PCDHGA3: variants seen among roughly 807,000 people sequenced by gnomAD.
PCDHGA3 encodes protocadherin gamma subfamily A, 3.
A neutral mutation model predicts 58.5 loss-of-function variants in PCDHGA3; 40 were observed. The ratio of observed to expected loss-of-function variants is 0.68; its 90% CI spans 0.53 to 0.89. The LOEUF (loss-of-function observed/expected upper bound fraction) is 0.89. Among genes scored for constraint, PCDHGA3 ranks in the 40% least tolerant of loss-of-function variants. PCDHGA3 has a pLI of 0.00. For synonymous variants in PCDHGA3, 530 were observed against 525.7 expected, an observed-to-expected ratio of 1.01 and a Z score of -0.11; for missense variants, 1,223 against 1,195.9, an observed-to-expected ratio of 1.02 and a Z score of -0.33.
At chr5:141,385,585 C>G (rs1051281848) in intron 1 of PCDHGA3, 41 of 1,267,842 alleles carry the variant, frequency 3.2e-5, no homozygotes, top group Admixed American at 1.9e-4. Context: ...AATCTATGTT[C>G]CAACCTACTT....
chr5:141,492,487 C>T (rs1031047955), intron 1 of PCDHGA3, among the ~76,000 whole-genome samples: 1 of 152,222 alleles, frequency 6.6e-6, no homozygotes, highest in Non-Finnish European at 1.5e-5. Context: ...CGCCCAGGAC[C>T]AGGCGAGGAC....
Position 141,491,900 on chromosome 5 carries a change from G to T in PCDHGA3, c.2425-2907G>T. The T allele has an allele frequency of 7.0e-7, 1 of 1,429,936 alleles. No homozygotes were observed. The highest frequency in any genetic ancestry group is 1.5e-5 in the South Asian group (1 of 67,072). 88.6% of individuals were successfully genotyped at this position (1,429,936 alleles called of 1,614,324 possible). A position where few individuals can be genotyped will look rare whatever the true frequency, so the allele number is the denominator to read the frequency against. ...TAAGGGATGGGGCTCCGAGCACCGG[G>T]GGTGGTGGCGACTGTGGGCGAGGGG... On this transcript the variant is annotated intron_variant, in intron 1 of 3. Transcript: ENST00000253812. This position sits in a 1 kb window ranked among gnomAD's most constrained non-coding sequence, Gnocchi z 6.9.
At position 141,354,261 on chromosome 5, in the gene PCDHGA3, G is replaced by T. The variant is rs555341930; in HGVS notation, c.2424+7804G>T. Reference sequence around the variant, plus strand: ...CAGAGTTATTTACCCATTGTTTTAGGCTTTGCATTTGAACTGGTCATTCAT... The same window carrying T: ...CAGAGTTATTTACCCATTGTTTTAGTCTTTGCATTTGAACTGGTCATTCAT... On this transcript the variant is annotated intron_variant, in intron 1 of 3. Transcript: ENST00000253812. Among the ~76,000 whole-genome samples, 5 of 151,924 alleles carry T rather than the reference G, an allele frequency of 3.3e-5. No homozygotes were observed. In the East Asian group the frequency reaches 9.7e-4, roughly 29 times the overall value.
At chr5:141,506,609 T>C (rs1375963880) in intron 3 of PCDHGA3, among the ~76,000 whole-genome samples, 1 of 152,184 alleles carries the variant, frequency 6.6e-6, no homozygotes, top group African/African-American at 2.4e-5. Context: ...GATCTCATTG[T>C]GGTGTTACCA....
intron 1 of PCDHGA3, chr5:141,418,991 G>A (rs1335937354): frequency 6.2e-7 from 1 of 1,613,836 alleles, no homozygotes. Context: ...AGACTCAGGG[G>A]AAAATGGGGA....
intron 1 of PCDHGA3, among the ~76,000 whole-genome samples, chr5:141,348,135 T>C (rs1237246748): frequency 6.6e-6 from 1 of 152,224 alleles, no homozygotes; most frequent in South Asian, 2.1e-4. Flanking sequence ...ACTCATGAAA[T>C]CATATGAGAG....
At chr5:141,366,041 G>C in intron 1 of PCDHGA3, 1 of 1,614,232 alleles carries the variant, frequency 6.2e-7, no homozygotes, top group Non-Finnish European at 8.5e-7. Flanking sequence ...CCCCACAGAC[G>C]GTTCCACGGG....
rs768559201 is a variant in PCDHGA3, at chr5:141,431,344, G to A, written c.2425-63463G>A. Reference sequence around the variant, plus strand: ...ACGGTAGTAAGTACCCCGAATTGGTGCTGAAACGCGCCCTGGACCGCGAAG... The same window carrying A: ...ACGGTAGTAAGTACCCCGAATTGGTACTGAAACGCGCCCTGGACCGCGAAG... On this transcript the variant is annotated intron_variant, in intron 1 of 3. Coordinates refer to ENST00000253812, the MANE Select transcript of PCDHGA3 (RefSeq NM_018916.4). The surrounding 1 kb of genome is among the most constrained non-coding windows in gnomAD (Gnocchi z 4.8). 3.9e-5 allele frequency: 63 copies of A among 1,614,078 alleles called. No homozygotes were observed. Among genetic ancestry groups the A allele is most frequent in the Non-Finnish European group, 5.0e-5 (59 of 1,180,044 alleles).
chr5:141,488,175 T>C (rs889217562), intron 1 of PCDHGA3, among the ~76,000 whole-genome samples: 1 of 152,168 alleles, frequency 6.6e-6, no homozygotes, highest in Non-Finnish European at 1.5e-5. Context: ...AGTGGTGGCA[T>C]AGATCTTTTG....
chr5:141,490,313 C>G lies in PCDHGA3; in HGVS notation c.2425-4494C>G. The G allele has an allele frequency of 6.2e-7, 1 of 1,614,222 alleles. No individual in the cohort carries two copies. The highest frequency in any genetic ancestry group is 8.5e-7 in the Non-Finnish European group (1 of 1,180,024). Reference sequence around the variant, plus strand: ...GTGCTATTGGCCTCTTTGGCCAACCCTGTCCTAGAGAGCACACCAGTGGGC... The same window carrying G: ...GTGCTATTGGCCTCTTTGGCCAACCGTGTCCTAGAGAGCACACCAGTGGGC... On this transcript the variant is annotated intron_variant, in intron 1 of 3. Transcript: ENST00000253812. The surrounding 1 kb of genome is among the most constrained non-coding windows in gnomAD (Gnocchi z 5.4).
intron 1 of PCDHGA3, chr5:141,418,511 G>A: frequency 5.6e-6 from 9 of 1,613,974 alleles, no homozygotes; most frequent in Non-Finnish European, 7.6e-6. Context: ...CTTAGATGGT[G>A]GGGACCCTCC....
At position 141,371,400 on chromosome 5, in the gene PCDHGA3, G is replaced by C. The variant is rs201084970; in HGVS notation, c.2424+24943G>C. 5.8e-5 allele frequency: 93 copies of C among 1,613,894 alleles called. No individual in the cohort carries two copies. Among genetic ancestry groups the C allele is most frequent in the African/African-American group, 2.7e-5 (2 of 74,938 alleles). Reference sequence around the variant, plus strand: ...CACTGCATATTGTAAAGTACAGATAGATATTTCAGATGAAAATGACAATGC... The same window carrying C: ...CACTGCATATTGTAAAGTACAGATACATATTTCAGATGAAAATGACAATGC... On this transcript the variant is annotated intron_variant, in intron 1 of 3. Transcript: ENST00000253812.
intron 1 of PCDHGA3, chr5:141,419,579 C>A: frequency 6.2e-7 from 1 of 1,611,812 alleles, no homozygotes; most frequent in Non-Finnish European, 8.5e-7. Flanking sequence ...CGGCTCCGCG[C>A]TCTTCGACAC....
At chr5:141,394,856 G>A (rs1008039711) in intron 1 of PCDHGA3, 1 of 1,613,792 alleles carries the variant, frequency 6.2e-7, no homozygotes, top group Non-Finnish European at 8.5e-7. Flanking sequence ...TGAAGCCTTC[G>A]GTCGACCCGA....
intron 1 of PCDHGA3, chr5:141,366,009 C>T (rs750100968): frequency 6.2e-6 from 10 of 1,614,108 alleles, no homozygotes; most frequent in African/African-American, 2.7e-5. Flanking sequence ...GACAATACGC[C>T]TGAGATCCTG....
At chr5:141,374,922 C>T in intron 1 of PCDHGA3, 2 of 1,613,928 alleles carry the variant, frequency 1.2e-6, no homozygotes, top group Non-Finnish European at 1.7e-6. Context: ...GTAACTTATT[C>T]CTTTGTGAAG....
rs35482758 is a variant in PCDHGA3, at chr5:141,473,653, G to A, written c.2425-21154G>A. On this transcript the variant is annotated intron_variant, in intron 1 of 3. Coordinates refer to ENST00000253812, the MANE Select transcript of PCDHGA3 (RefSeq NM_018916.4). ...AGCTTTCCTGGCAAAGGAACAATTT[G>A]TGTGAAGGCCCTGAGACAGGGAAGG... Among the ~76,000 whole-genome samples, 302 of 152,274 alleles carry A rather than the reference G, an allele frequency of 2.0e-3. 1 individual carries two copies. Among genetic ancestry groups the A allele is most frequent in the Middle Eastern group, 0.01 (3 of 294 alleles).
chr5:141,492,911 G>A (rs1008138353), intron 1 of PCDHGA3, among the ~76,000 whole-genome samples: 1 of 152,216 alleles, frequency 6.6e-6, no homozygotes, highest in Admixed American at 6.5e-5. Context: ...TGATCACAAT[G>A]TGCCCAGCGA....
chr5:141,492,077 C>G (rs917149790), intron 1 of PCDHGA3: 1 of 483,342 alleles, frequency 2.1e-6, no homozygotes, highest in African/African-American at 2.0e-5. Context: ...GGCGCCGGCT[C>G]CGGCACGCTT....
Sources: gnomAD v4.1 joint callset for allele counts (sites outside exome capture counted in the v4.1 genomes callset) on GRCh38, gnomAD v4.1.1 for gene constraint, Gnocchi (gnomAD v3.1) non-coding constraint, MANE v1.5 for transcripts, NCBI Gene and HGNC (gene_info 2026-07-23, HGNC 2026-07-21) for gene names.